Variants in TRAPPC9 observed in about 807,000 individuals in gnomAD.
TRAPPC9 encodes the protein trafficking protein particle complex subunit 9, also known as IKK2 binding protein.
Under a neutral mutation model 124.0 loss-of-function variants are expected in TRAPPC9, and 83 were observed. The observed-to-expected ratio is 0.67, with a 90% CI of 0.56 to 0.80. The LOEUF (loss-of-function observed/expected upper bound fraction) is 0.80. Among genes scored for constraint, TRAPPC9 ranks in the 30% least tolerant of loss-of-function variants. TRAPPC9 has a pLI of 0.00. For synonymous variants in TRAPPC9, 638 were observed against 617.5 expected, an observed-to-expected ratio of 1.03 and a Z score of -0.49; for missense variants, 1,302 against 1,508.3, an observed-to-expected ratio of 0.86 and a Z score of 2.27.
intron 21 of TRAPPC9, among the ~76,000 whole-genome samples, chr8:139,790,372 A>G (rs1266744155): frequency 6.6e-6 from 1 of 152,122 alleles, no homozygotes; most frequent in Admixed American, 6.5e-5. Context: ...GAGACCGGGG[A>G]GCGCTTTGTT....
rs923474823 is a variant in TRAPPC9 at position 139,984,256 on chromosome 8, C to T, written c.2810+4470G>A. Among the ~76,000 whole-genome samples the T allele has an allele frequency of 8.5e-5, 13 of 152,292 alleles. No homozygotes were observed. Among genetic ancestry groups the T allele is most frequent in the African/African-American group, 3.1e-4 (13 of 41,582 alleles). ...CTTTAAGAGTAGGCTGTGCTATCTG[C>T]AGAGAAAAGTTCTGTGCACCTGCCT... On this transcript the variant is annotated intron_variant, in intron 19 of 22. Transcript: ENST00000438773. This position sits in a 1 kb window ranked among gnomAD's most constrained non-coding sequence, Gnocchi z 4.3.
At chr8:139,999,777 C>G (rs1444965362) in intron 18 of TRAPPC9, among the ~76,000 whole-genome samples, 6 of 152,118 alleles carry the variant, frequency 3.9e-5, no homozygotes, top group Admixed American at 2.6e-4. Context: ...TAGAATAACT[C>G]CAACTATCTG....
chr8:139,940,978 T>C (rs1346752268), intron 19 of TRAPPC9, among the ~76,000 whole-genome samples: 1 of 152,118 alleles, frequency 6.6e-6, no homozygotes, highest in African/African-American at 2.4e-5. Flanking sequence ...CAGCAGCCTA[T>C]GAAGGGGGGT....
intron 3 of TRAPPC9, among the ~76,000 whole-genome samples, chr8:140,438,136 C>T (rs1249234588): frequency 6.6e-6 from 1 of 152,142 alleles, no homozygotes; most frequent in African/African-American, 2.4e-5. Flanking sequence ...AGAAAGAAAC[C>T]TTATGCCCGT....
chr8:139,953,553 A>G (rs767925841), intron 19 of TRAPPC9, among the ~76,000 whole-genome samples: 3 of 149,318 alleles, frequency 2.0e-5, no homozygotes, highest in Non-Finnish European at 3.0e-5. Context: ...CATAGAAGAC[A>G]TGACTCCAAA....
chr8:140,405,975 ACTAGCT>A (rs2069475692), intron 5 of TRAPPC9, among the ~76,000 whole-genome samples: 1 of 152,244 alleles, frequency 6.6e-6, no homozygotes, highest in Non-Finnish European at 1.5e-5. Context: ...ATTTACAGTA[ACTAGCT>A]CAATTGTCTT....
intron 9 of TRAPPC9, among the ~76,000 whole-genome samples, chr8:140,336,627 T>C (rs1201506031): frequency 6.6e-6 from 1 of 152,168 alleles, no homozygotes; most frequent in East Asian, 1.9e-4. Flanking sequence ...TTAACACATT[T>C]TCTTTGGGCT....
intron 8 of TRAPPC9, among the ~76,000 whole-genome samples, chr8:140,363,781 A>C (rs1351023167): frequency 6.6e-6 from 1 of 151,922 alleles, no homozygotes; most frequent in Non-Finnish European, 1.5e-5. Flanking sequence ...AATTTTTAGT[A>C]GAGACGGGGT....
At chr8:139,989,337 C>T (rs571280870) in intron 18 of TRAPPC9, among the ~76,000 whole-genome samples, 3 of 152,306 alleles carry the variant, frequency 2.0e-5, no homozygotes, top group Admixed American at 6.5e-5. Flanking sequence ...CCAGCACGAG[C>T]TTCTCCCATG....
chr8:139,998,776 G>A (rs929074600), intron 18 of TRAPPC9, among the ~76,000 whole-genome samples: 3 of 152,056 alleles, frequency 2.0e-5, no homozygotes, highest in Admixed American at 2.0e-4. Context: ...AACGATATAT[G>A]ATGAATACAA....
intron 21 of TRAPPC9, among the ~76,000 whole-genome samples, chr8:139,848,773 T>C (rs1226100015): frequency 6.6e-6 from 1 of 152,206 alleles, no homozygotes; most frequent in Non-Finnish European, 1.5e-5. Flanking sequence ...CCTTGTTGTC[T>C]TTCTCTTCCC....
chr8:140,279,235 T>A (rs976818043), intron 14 of TRAPPC9, among the ~76,000 whole-genome samples: 5 of 152,238 alleles, frequency 3.3e-5, no homozygotes, highest in African/African-American at 9.6e-5. Context: ...GAGTACCTCC[T>A]TCCAGACTGA....
At chr8:139,923,031 A>C (rs1410174242) in intron 19 of TRAPPC9, among the ~76,000 whole-genome samples, 1 of 151,512 alleles carries the variant, frequency 6.6e-6, no homozygotes, top group Non-Finnish European at 1.5e-5. Flanking sequence ...CAAGCCCTAC[A>C]ACAGCTTTTG....
intron 9 of TRAPPC9, among the ~76,000 whole-genome samples, chr8:140,340,922 A>T (rs1164848268): frequency 6.6e-6 from 1 of 152,192 alleles, no homozygotes; most frequent in East Asian, 1.9e-4. Flanking sequence ...AACCAACAAC[A>T]ATTACTATAT....
intron 19 of TRAPPC9, among the ~76,000 whole-genome samples, chr8:139,935,842 T>C (rs1833479199): frequency 6.6e-6 from 1 of 152,246 alleles, no homozygotes; most frequent in South Asian, 2.1e-4. Flanking sequence ...ATTTCATCCA[T>C]ACAAGAACCC....
At chr8:139,841,814 CAG>C (rs1163840607) in intron 21 of TRAPPC9, among the ~76,000 whole-genome samples, 4 of 152,236 alleles carry the variant, frequency 2.6e-5, no homozygotes. Context: ...GGCCAAGTGA[CAG>C]AGTTCCAGGA....
At chr8:140,200,881 A>G (rs986058237) in intron 17 of TRAPPC9, among the ~76,000 whole-genome samples, 3 of 152,202 alleles carry the variant, frequency 2.0e-5, no homozygotes, top group African/African-American at 7.2e-5. Context: ...AATGTACAAC[A>G]CTGACAATGG....
intron 7 of TRAPPC9, among the ~76,000 whole-genome samples, chr8:140,388,582 C>A (rs1392570654): frequency 1.3e-5 from 2 of 152,046 alleles, no homozygotes; most frequent in Non-Finnish European, 2.9e-5. Flanking sequence ...ACTCAGGAGG[C>A]TGAGGCAGAA....
intron 19 of TRAPPC9, among the ~76,000 whole-genome samples, chr8:139,977,026 C>CT (rs1836521815): frequency 6.6e-6 from 1 of 152,222 alleles, no homozygotes; most frequent in Non-Finnish European, 1.5e-5. Context: ...TCTGGATTAT[C>CT]TGATGAGTAA....
Sources: allele counts gnomAD v4.1 joint callset (sites outside exome capture counted in the v4.1 genomes callset), GRCh38; gene constraint gnomAD v4.1.1; non-coding constraint Gnocchi (gnomAD v3.1); transcripts MANE v1.5; gene names NCBI Gene and HGNC (gene_info 2026-07-23, HGNC 2026-07-21).